EPHA10: variants seen among roughly 807,000 people sequenced by gnomAD.
The protein encoded by EPHA10 is EPH receptor A10, also known as ephrin type-A receptor 10.
Under a neutral mutation model 109.7 loss-of-function variants are expected in EPHA10, and 120 were observed. The observed-to-expected ratio is 1.09, with a 90% CI of 0.94 to 1.27. EPHA10 has a LOEUF of 1.27. Among genes scored for constraint, EPHA10 ranks in the 50% most tolerant of loss-of-function variants. The pLI is 0.00. For missense variants in EPHA10, 1,396 were observed against 1,411.1 expected, an observed-to-expected ratio of 0.99 and a Z score of 0.17; for synonymous variants, 640 against 618.9, an observed-to-expected ratio of 1.03 and a Z score of -0.51.
chr1:37,752,980 C>A lies in EPHA10; in HGVS notation c.1253G>T (p.Gly418Val). ...GGCCACGCGCACGGTGTAGCGCGCGCCGGGCCGCAGGTGCAGCAGCGTGGC... is the reference window on the plus strand; with the variant it reads ...GGCCACGCGCACGGTGTAGCGCGCGACGGGCCGCAGGTGCAGCAGCGTGGC... The part of the protein sequence containing the change: ...RAATLLHLRP[G>V]ARYTVRVAAL... The change falls in exon 5 of 17, where the codon GGC (glycine) becomes GTC (valine). Residue 418 changes from glycine to valine, a missense_variant. Coordinates refer to ENST00000373048, the MANE Select transcript of EPHA10 (RefSeq NM_001099439.2). 8.0e-7 allele frequency: 1 copy of A among 1,255,530 alleles called. No individual in the cohort carries two copies. Among genetic ancestry groups the A allele is most frequent in the Non-Finnish European group, 1.0e-6 (1 of 1,001,914 alleles). 77.8% of individuals were successfully genotyped at this position (1,255,530 alleles called of 1,614,324 possible).
chr1:37,746,893 G>A (rs1402755641), intron 5 of EPHA10, among the ~76,000 whole-genome samples: 1 of 152,188 alleles, frequency 6.6e-6, no homozygotes, highest in African/African-American at 2.4e-5. Flanking sequence ...ATAATTCCAT[G>A]TATTGAGATG....
At chr1:37,728,986 C>T (rs1645938110) in intron 7 of EPHA10, among the ~76,000 whole-genome samples, 1 of 152,182 alleles carries the variant, frequency 6.6e-6, no homozygotes, top group African/African-American at 2.4e-5. Flanking sequence ...AGGCTGGACT[C>T]ATTTCTAATG....
intron 14 of EPHA10, 22 bp downstream of exon 14, chr1:37,719,887 G>C: frequency 6.2e-7 from 1 of 1,613,886 alleles, no homozygotes; most frequent in Non-Finnish European, 8.5e-7. Context: ...AAGGCATGCA[G>C]CTGGAGCCAC....
At position 37,762,778 on chromosome 1, in the gene EPHA10, C is replaced by T. The variant is rs745738256; in HGVS notation, c.171+7G>A. 6.4e-7 allele frequency: 1 copy of T among 1,551,308 alleles called. No homozygotes were observed. The highest frequency in any genetic ancestry group is 1.2e-5 in the South Asian group (1 of 83,672). On this transcript the variant is annotated splice_region_variant and intron_variant, in intron 2 of 16. Coordinates refer to ENST00000373048, the MANE Select transcript of EPHA10 (RefSeq NM_001099439.2). ...CCTGGGACAGGGAGGGACACTTGTG[C>T]ACTTACCCCATTACTTGGCAGTGCA...
intron 7 of EPHA10, among the ~76,000 whole-genome samples, chr1:37,730,434 C>A (rs1455296010): frequency 2.0e-5 from 3 of 152,104 alleles, no homozygotes; most frequent in Admixed American, 6.6e-5. Flanking sequence ...GAGGTGAGAT[C>A]CTGAGGACCA....
At position 37,762,038 on chromosome 1, in the gene EPHA10, T is replaced by C. The variant is rs1489489572; in HGVS notation, c.217A>G (p.Thr73Ala). 6.2e-7 allele frequency: 1 copy of C among 1,611,026 alleles called. No homozygotes were observed. The highest frequency in any genetic ancestry group is 2.2e-5 in the East Asian group (1 of 44,836). The change falls in exon 3 of 17, where the codon ACG (threonine) becomes GCG (alanine). Residue 73 changes from threonine to alanine, a missense_variant. Coordinates refer to ENST00000373048, the MANE Select transcript of EPHA10 (RefSeq NM_001099439.2). Reference protein sequence around the residue: ...GVDEHDRPIRTYQVCNVLEPN... With the variant: ...GVDEHDRPIRAYQVCNVLEPN... ...TCCAGCACATTGCACACTTGGTACG[T>C]GCGGATGGGACGGTCGTGTTCATCC...
In EPHA10 at chr1:37,717,275, G is replaced by GT; in HGVS notation, c.*1096dup. 4.3e-6 allele frequency: 1 copy of GT among 233,176 alleles called. No homozygotes were observed. Among genetic ancestry groups the GT allele is most frequent in the East Asian group, 6.0e-5 (1 of 16,560 alleles). The allele number at this position is 233,176 out of a possible 1,614,324, so 14.4% of individuals were successfully genotyped here. ...AGGGAGGGGCTCCATGGAAGGCTGG[G>GT]TAGTGCCCAAGGCACGGAGCTGGCT... On this transcript the variant is annotated 3_prime_UTR_variant, in exon 17 of 17. Transcript: ENST00000373048.
intron 5 of EPHA10, among the ~76,000 whole-genome samples, chr1:37,751,438 G>A (rs1291897322): frequency 2.0e-5 from 3 of 149,724 alleles, no homozygotes; most frequent in African/African-American, 7.4e-5. Flanking sequence ...GTGTGGTGGT[G>A]CGCACCTGTA....
At position 37,719,067 on chromosome 1, in the gene EPHA10, C is replaced by T. The variant is rs141693122; in HGVS notation, c.2757-251G>A. The stretch of plus-strand genomic sequence containing the variant: ...ATCCGGAACAGTCTGGGGTAGGACA[C>T]GCCTAGGACTGGTTGGTGACTCATA... On this transcript the variant is annotated intron_variant, in intron 15 of 16. Coordinates refer to ENST00000373048, the MANE Select transcript of EPHA10 (RefSeq NM_001099439.2). 2.6e-4 allele frequency: 159 copies of T among 602,726 alleles called. 1 individual carries two copies. Among genetic ancestry groups the T allele is most frequent in the Middle Eastern group, 4.4e-4 (1 of 2,250 alleles). 37.3% of individuals were successfully genotyped at this position (602,726 alleles called of 1,614,324 possible).
intron 6 of EPHA10, chr1:37,734,768 CACT>C (rs370310660): frequency 3.4e-5 from 13 of 376,916 alleles, no homozygotes; most frequent in Middle Eastern, 3.6e-4. Flanking sequence ...TGCTGTGCTA[CACT>C]TTTTTATATG....
intron 6 of EPHA10, among the ~76,000 whole-genome samples, chr1:37,732,860 G>GTTTTTT (rs1557541356): frequency 3.9e-5 from 1 of 25,792 alleles, no homozygotes; most frequent in African/African-American, 1.5e-4. Flanking sequence ...TTTTATACTT[G>GTTTTTT]TTCTTTTTTT....
intron 3 of EPHA10, chr1:37,760,667 T>C (rs1646422294): frequency 4.6e-6 from 1 of 215,820 alleles, no homozygotes; most frequent in Non-Finnish European, 9.3e-6. Flanking sequence ...GACCTCATGA[T>C]GTCATAGAAT....
At chr1:37,732,007 G>A (rs1374769884) in intron 6 of EPHA10, among the ~76,000 whole-genome samples, 2 of 149,398 alleles carry the variant, frequency 1.3e-5, no homozygotes, top group South Asian at 4.2e-4. Flanking sequence ...GGCCCACAAG[G>A]CTTTTCCTTT....
intron 1 of EPHA10, among the ~76,000 whole-genome samples, chr1:37,763,679 A>T (rs1297623169): frequency 6.6e-6 from 1 of 151,998 alleles, no homozygotes; most frequent in Non-Finnish European, 1.5e-5. Flanking sequence ...AGAGAGAGAG[A>T]GAAAGTGAGT....
In EPHA10 at chr1:37,731,441, G is replaced by T; in HGVS notation, c.1633C>A (p.Pro545Thr). The T allele has an allele frequency of 6.2e-7, 1 of 1,613,090 alleles. No individual in the cohort carries two copies. Among genetic ancestry groups the T allele is most frequent in the Non-Finnish European group, 8.5e-7 (1 of 1,179,428 alleles). Residue 545 changes from proline to threonine, a missense_variant, in exon 7 of 17, where the codon CCC becomes ACC. Pro to Thr is a conservative substitution (Grantham distance 38). Coordinates refer to ENST00000373048, the MANE Select transcript of EPHA10 (RefSeq NM_001099439.2). ...CCCAGGGTCTGTACTTCAATGCTGG[G>T]GTTAAAACTCTGGGCCTCCCAGGAT... ...GPSWEAQSFN[P>T]SIEVQTLGEA...
intron 5 of EPHA10, among the ~76,000 whole-genome samples, chr1:37,742,820 T>G (rs1227096834): frequency 6.6e-6 from 1 of 151,976 alleles, no homozygotes; most frequent in Non-Finnish European, 1.5e-5. Context: ...ACTCCGTCTC[T>G]ACAAAACAAT....
chr1:37,720,909 C>G, intron 11 of EPHA10, 65 bp from the exon 12 acceptor site: 1 of 1,532,656 alleles, frequency 6.5e-7, no homozygotes, highest in Non-Finnish European at 9.0e-7. Flanking sequence ...ACACAAGTTT[C>G]CCCCCCAGGG....
At chr1:37,749,892 T>C (rs537197139) in intron 5 of EPHA10, among the ~76,000 whole-genome samples, 1 of 152,320 alleles carries the variant, frequency 6.6e-6, no homozygotes, top group South Asian at 2.1e-4. Flanking sequence ...AGCATGTGAC[T>C]GTACTGAATA....
chr1:37,731,854 C>G (rs1378764515), intron 6 of EPHA10, among the ~76,000 whole-genome samples: 1 of 152,200 alleles, frequency 6.6e-6, no homozygotes. Context: ...AGAGAAGACA[C>G]CAGATCCTCC....
Sources: gnomAD v4.1 joint callset for allele counts (sites outside exome capture counted in the v4.1 genomes callset) on GRCh38, gnomAD v4.1.1 for gene constraint, MANE v1.5 for transcripts, NCBI Gene and HGNC (gene_info 2026-07-23, HGNC 2026-07-21) for gene names.